The following ZC3H12B variants were observed in gnomAD, a reference collection of about 807,000 sequenced individuals.
The protein encoded by ZC3H12B is zinc finger CCCH-type containing 12B.
In ZC3H12B, 7 loss-of-function variants were observed where a neutral mutation model predicts 43.9. That is an observed-to-expected ratio of 0.16 (90% CI 0.09 to 0.30). The LOEUF (loss-of-function observed/expected upper bound fraction) is 0.30, where lower values mean the gene tolerates loss of function less well. Among genes scored for constraint, ZC3H12B ranks in the 10% least tolerant of loss-of-function variants. The pLI, the probability that ZC3H12B is intolerant of heterozygous loss-of-function variation, is 1.00. For missense variants in ZC3H12B, 475 were observed against 670.2 expected (o/e 0.71, Z 3.22); for synonymous variants, 222 against 241.7 (o/e 0.92, Z 0.76).
the ZC3H12B span, among the ~76,000 whole-genome samples, chrX:65,297,441 G>C: frequency 9.0e-6 from 1 of 110,792 alleles, no homozygotes; most frequent in African/African-American, 3.3e-5. Flanking sequence ...ACCTAACCAA[G>C]GAGGTGAAAG....
chrX:65,242,486 G>A, the ZC3H12B span, among the ~76,000 whole-genome samples: 1 of 112,041 alleles, frequency 8.9e-6, no homozygotes, highest in Non-Finnish European at 1.9e-5. Context: ...CAAAATTAAA[G>A]AGGACATAAA....
the ZC3H12B span, among the ~76,000 whole-genome samples, chrX:65,354,706 G>C: frequency 9.0e-6 from 1 of 111,531 alleles, no homozygotes; most frequent in Non-Finnish European, 1.9e-5. Flanking sequence ...AGGAAGCTAA[G>C]AACCTTGAAA....
At chrX:65,341,946 C>T in the ZC3H12B span, among the ~76,000 whole-genome samples, 1 of 110,847 alleles carries the variant, frequency 9.0e-6, no homozygotes, top group East Asian at 2.8e-4. Context: ...AGCTAAATTC[C>T]CCAATTAAAT....
chrX:65,145,673 G>C, the ZC3H12B span, among the ~76,000 whole-genome samples: 2 of 111,511 alleles, frequency 1.8e-5, no homozygotes, highest in Admixed American at 9.6e-5. Flanking sequence ...TGTAGTGCTG[G>C]TTTGGTAGTG....
At chrX:65,373,634 C>T (rs1276557496) in intron 2 of ZC3H12B, among the ~76,000 whole-genome samples, 2 of 102,827 alleles carry the variant, frequency 1.9e-5, no homozygotes, top group Admixed American at 1.1e-4. Flanking sequence ...AGCAAACTAT[C>T]GCAAGGACAG....
At chrX:65,155,625 A>T in the ZC3H12B span, among the ~76,000 whole-genome samples, 7 of 111,493 alleles carry the variant, frequency 6.3e-5, no homozygotes, top group African/African-American at 2.3e-4. Flanking sequence ...GGCCCAAGGC[A>T]GGAGGATCCA....
At chrX:65,109,137 T>C in the ZC3H12B span, among the ~76,000 whole-genome samples, 2 of 111,540 alleles carry the variant, frequency 1.8e-5, no homozygotes, top group Non-Finnish European at 3.8e-5. Flanking sequence ...AAAATACTCT[T>C]ATTAGCCACC....
chrX:65,449,273 C>G (rs1459724633), intron 3 of ZC3H12B, among the ~76,000 whole-genome samples: 1 of 110,540 alleles, frequency 9.0e-6, no homozygotes, highest in Non-Finnish European at 1.9e-5. Context: ...TGTAACAAAC[C>G]TGCACGTCCT....
At chrX:65,036,714 T>G in the ZC3H12B span, among the ~76,000 whole-genome samples, 1 of 110,982 alleles carries the variant, frequency 9.0e-6, no homozygotes, top group Admixed American at 9.6e-5. Context: ...TAATTTTTTT[T>G]TTGTTTTGGA....
intron 3 of ZC3H12B, among the ~76,000 whole-genome samples, chrX:65,463,386 G>GT (rs1029489996): frequency 6.2e-5 from 7 of 112,107 alleles, no homozygotes; most frequent in Non-Finnish European, 1.3e-4. Flanking sequence ...AGCATGGGAT[G>GT]TTTTTCCATT....
chrX:65,094,522 A>G, the ZC3H12B span, among the ~76,000 whole-genome samples: 1 of 111,313 alleles, frequency 9.0e-6, no homozygotes, highest in African/African-American at 3.3e-5. Flanking sequence ...GATCAAAACT[A>G]TTTTGAATAT....
At chrX:65,438,711 C>T (rs188194398) in intron 3 of ZC3H12B, among the ~76,000 whole-genome samples, 75 of 113,503 alleles carry the variant, frequency 6.6e-4, no homozygotes, top group Admixed American at 5.8e-3. Context: ...AGCAGGAACA[C>T]GCCCTTAAGA....
intron 2 of ZC3H12B, among the ~76,000 whole-genome samples, chrX:65,384,819 A>T (rs914005595): frequency 8.9e-6 from 1 of 112,136 alleles, no homozygotes; most frequent in Admixed American, 9.5e-5. Flanking sequence ...ATGGAAAAAG[A>T]TATTCTATGA....
the ZC3H12B span, among the ~76,000 whole-genome samples, chrX:65,235,458 C>T: frequency 9.0e-6 from 1 of 111,723 alleles, no homozygotes; most frequent in Non-Finnish European, 1.9e-5. Context: ...TACAAGATTC[C>T]TTTGGTGCAA....
the ZC3H12B span, among the ~76,000 whole-genome samples, chrX:65,056,597 C>G: frequency 4.5e-5 from 5 of 111,522 alleles, no homozygotes; most frequent in Non-Finnish European, 7.5e-5. Context: ...CTGTAGATGT[C>G]TATTAGGTCC....
At chrX:65,176,971 A>T in the ZC3H12B span, among the ~76,000 whole-genome samples, 3 of 112,064 alleles carry the variant, frequency 2.7e-5, no homozygotes, top group African/African-American at 9.8e-5. Context: ...GCAAAGAAAC[A>T]ACAACAACAA....
At chrX:65,387,381 C>A (rs1023293939) in intron 2 of ZC3H12B, among the ~76,000 whole-genome samples, 1 of 111,833 alleles carries the variant, frequency 8.9e-6, no homozygotes, top group Non-Finnish European at 1.9e-5. Context: ...GAACTGATCC[C>A]TTTACCATTA....
At chrX:65,168,368 G>T in the ZC3H12B span, among the ~76,000 whole-genome samples, 1 of 111,589 alleles carries the variant, frequency 9.0e-6, no homozygotes, top group South Asian at 3.8e-4. Context: ...AACCAGCCTT[G>T]CATCCCAGGG....
chrX:65,290,930 T>C, the ZC3H12B span, among the ~76,000 whole-genome samples: 1 of 111,171 alleles, frequency 9.0e-6, no homozygotes, highest in East Asian at 2.8e-4. Flanking sequence ...AGGAATAAAT[T>C]CAATGTTTGA....
Sources: allele counts gnomAD v4.1 joint callset (sites outside exome capture counted in the v4.1 genomes callset), GRCh38; gene constraint gnomAD v4.1.1; transcripts MANE v1.5; gene names NCBI Gene and HGNC (gene_info 2026-07-23, HGNC 2026-07-21).